Variants in ACVR1B observed in about 807,000 individuals in gnomAD.
ACVR1B encodes activin receptor type-1B.
Under a neutral mutation model 55.6 loss-of-function variants are expected in ACVR1B, and 15 were observed. That is an observed-to-expected ratio of 0.27 (90% CI 0.18 to 0.42). ACVR1B has a LOEUF of 0.42. Ranked by LOEUF, ACVR1B falls within the 10% of genes least tolerant of loss-of-function variation. The pLI is 1.00. For synonymous variants in ACVR1B, 247 were observed against 254.6 expected, an observed-to-expected ratio of 0.97 and a Z score of 0.28; for missense variants, 359 against 670.1, an observed-to-expected ratio of 0.54 and a Z score of 5.13.
intron 1 of ACVR1B, 50 bp downstream of exon 1, chr12:51,951,884 G>A: frequency 1.7e-6 from 2 of 1,150,174 alleles, no homozygotes; most frequent in Non-Finnish European, 2.2e-6. Flanking sequence ...GGCCCGGCAA[G>A]GGCGAGGCCT....
At position 51,981,098 on chromosome 12, in the gene ACVR1B, C is replaced by G; in HGVS notation, c.710C>G (p.Ser237Cys). 6.2e-7 allele frequency: 1 copy of G among 1,614,136 alleles called. No homozygotes were observed. ...RGGDVAVKIFSSREERSWFRE... is the reference protein window; with the variant it reads ...RGGDVAVKIFCSREERSWFRE... ...GGTGATGTGGCTGTGAAAATATTCT[C>G]TTCTCGTGAAGAACGGTCTTGGTTC... is the stretch of plus-strand genomic sequence containing the variant. The change falls in exon 4 of 9, where the codon TCT (serine) becomes TGT (cysteine). Residue 237 changes from serine to cysteine, a missense_variant. Physicochemically the swap from Ser to Cys is moderately radical, Grantham distance 112. Coordinates refer to ENST00000257963, the MANE Select transcript of ACVR1B (RefSeq NM_004302.5).
intron 1 of ACVR1B, 40 bp downstream of exon 1, chr12:51,951,874 G>A: frequency 8.4e-7 from 1 of 1,194,700 alleles, no homozygotes; most frequent in East Asian, 3.2e-5. Context: ...GGATGGAGAG[G>A]GCCCGGCAAG....
In ACVR1B at chr12:51,992,023, A is replaced by G. The variant is rs374460422; in HGVS notation, c.1392+30A>G. ...GAAGCTGGCCTCCTGCGGCTTTCCC[A>G]TCAGCCTGATTTCTCCACCTTAGAA... On this transcript the variant is annotated intron_variant, in intron 8 of 8. Coordinates refer to ENST00000257963, the MANE Select transcript of ACVR1B (RefSeq NM_004302.5). 11 of 1,614,094 alleles carry G rather than the reference A, an allele frequency of 6.8e-6. No individual in the cohort carries two copies. The African/African-American group carries it at 8.0e-5, about 12-fold the overall frequency.
intron 2 of ACVR1B, 146 bp from the exon 3 acceptor site, chr12:51,976,181 G>T (rs897787761): frequency 3.1e-6 from 3 of 965,588 alleles, no homozygotes; most frequent in African/African-American, 3.3e-5. Flanking sequence ...AGCAAGACTA[G>T]CCCAGAAGAT....
rs906303606 is a variant in ACVR1B at position 51,994,012 on chromosome 12, C to T, written c.1420C>T (p.Arg474Ter). Residue 474 changes from arginine to a stop codon, truncating the protein, a stop_gained, in exon 9 of 9, where the codon CGA becomes TGA. Transcript: ENST00000257963. LOFTEE classifies it high-confidence loss of function. This position sits in a 1 kb window ranked among gnomAD's most constrained non-coding sequence, Gnocchi z 4.2. ...EALRVMGKMMRECWYANGAAR... is the reference protein window; with the variant it reads ...EALRVMGKMM ...ACTGCGGGTGATGGGGAAGATGATG[C>T]GAGAGTGTTGGTATGCCAACGGCGC... The T allele has an allele frequency of 1.2e-6, 2 of 1,613,934 alleles. No individual in the cohort carries two copies. The highest frequency in any genetic ancestry group is 1.3e-5 in the African/African-American group (1 of 74,938).
chr12:51,995,653 A>G lies in ACVR1B; in HGVS notation c.*1543A>G. The stretch of plus-strand genomic sequence containing the variant: ...TTGTAAAAGGAAAACCATCTCTGTG[A>G]TTACCTCTCAATCTATTTGTTTTTA... On this transcript the variant is annotated 3_prime_UTR_variant, in exon 9 of 9. Transcript: ENST00000257963. The G allele has an allele frequency of 6.6e-6, 1 of 151,596 alleles. No homozygotes were observed. The highest frequency in any genetic ancestry group is 1.9e-4 in the East Asian group (1 of 5,162). 9.4% of individuals were successfully genotyped at this position (151,596 alleles called of 1,614,324 possible).
intron 1 of ACVR1B, among the ~76,000 whole-genome samples, chr12:51,956,145 A>G (rs926556893): frequency 6.6e-6 from 1 of 152,172 alleles, no homozygotes; most frequent in Non-Finnish European, 1.5e-5. Flanking sequence ...GGCAATCTTT[A>G]TCTGCTCTCT....
Position 51,994,159 on chromosome 12 carries a change from G to A in ACVR1B, c.*49G>A, listed in dbSNP as rs374207385. 9 of 1,603,514 alleles carry A rather than the reference G, an allele frequency of 5.6e-6. No homozygotes were observed. Among genetic ancestry groups the A allele is most frequent in the Middle Eastern group, 1.8e-4 (1 of 5,578 alleles). On this transcript the variant is annotated 3_prime_UTR_variant, in exon 9 of 9. Coordinates refer to ENST00000257963, the MANE Select transcript of ACVR1B (RefSeq NM_004302.5). The surrounding 1 kb of genome is among the most constrained non-coding windows in gnomAD (Gnocchi z 4.2). ...CTCCTGGCAGCGAGAACTACGCACA[G>A]CTGCCGCGTTGAGCGTACGATGGAG...
At chr12:51,960,874 C>T (rs564121874) in intron 1 of ACVR1B, among the ~76,000 whole-genome samples, 2 of 152,300 alleles carry the variant, frequency 1.3e-5, no homozygotes, top group South Asian at 4.2e-4. Context: ...AACTCTAGAC[C>T]CCTTAGCTTA....
At chr12:51,991,644 C>T (rs935721101) in intron 7 of ACVR1B, among the ~76,000 whole-genome samples, 6 of 152,186 alleles carry the variant, frequency 3.9e-5, no homozygotes, top group South Asian at 2.1e-4. Context: ...TCAGGTGATC[C>T]GCTTGCCTTG....
intron 7 of ACVR1B, among the ~76,000 whole-genome samples, chr12:51,989,197 T>A (rs1050802397): frequency 2.6e-5 from 4 of 151,904 alleles, no homozygotes; most frequent in African/African-American, 7.3e-5. Flanking sequence ...AGAAAAAAAA[T>A]TGTCTCATTA....
chr12:51,989,085 A>G (rs956196524), intron 7 of ACVR1B, among the ~76,000 whole-genome samples: 1 of 152,104 alleles, frequency 6.6e-6, no homozygotes, highest in African/African-American at 2.4e-5. Flanking sequence ...GTGAAGCCCT[A>G]TCTCTATTAA....
rs759452822 is a variant in ACVR1B, at chr12:51,985,238, G to A, written c.1026G>A (p.Leu342=). ...GAGACTTAAAGTCAAAGAACATTCT[G>A]GTGAAGAAAAATGGCATGTGTGCCA... ...AHRDLKSKNI[L]VKKNGMCAIA... is the part of the protein sequence containing the mutation. Residue 342 remains leucine, a synonymous_variant, in exon 6 of 9, where the codon CTG becomes CTA. Coordinates refer to ENST00000257963, the MANE Select transcript of ACVR1B (RefSeq NM_004302.5). The A allele has an allele frequency of 2.5e-6, 4 of 1,613,822 alleles. No individual in the cohort carries two copies. The highest frequency in any genetic ancestry group is 1.1e-5 in the South Asian group (1 of 90,986).
At position 51,976,422 on chromosome 12, in the gene ACVR1B, A is replaced by T. The variant is rs1172462590; in HGVS notation, c.427A>T (p.Ile143Phe). Residue 143 changes from isoleucine to phenylalanine, a missense_variant, in exon 3 of 9, where the codon ATC becomes TTC. Ile to Phe is a conservative substitution (Grantham distance 21). Transcript: ENST00000257963. ...GGTGTTCCTCCTGTTCCTCATCATCATCATTGTTTTCCTTGTCATTAACTA... is the reference window on the plus strand; with the variant it reads ...GGTGTTCCTCCTGTTCCTCATCATCTTCATTGTTTTCCTTGTCATTAACTA... ...GPVFLLFLII[I>F]IVFLVINYHQ... The T allele has an allele frequency of 6.2e-7, 1 of 1,614,020 alleles. No individual in the cohort carries two copies. The highest frequency in any genetic ancestry group is 1.7e-5 in the Admixed American group (1 of 60,010).
intron 5 of ACVR1B, among the ~76,000 whole-genome samples, chr12:51,984,512 A>C (rs1942042490): frequency 6.6e-6 from 1 of 152,246 alleles, no homozygotes; most frequent in Non-Finnish European, 1.5e-5. Context: ...AAACCAGTGT[A>C]CTGGGAACAT....
At chr12:51,967,847 C>T (rs1941671696) in intron 1 of ACVR1B, among the ~76,000 whole-genome samples, 1 of 152,210 alleles carries the variant, frequency 6.6e-6, no homozygotes, top group Admixed American at 6.5e-5. Flanking sequence ...TAAGCTTAGG[C>T]TGTCTGACCT....
intron 1 of ACVR1B, among the ~76,000 whole-genome samples, chr12:51,968,046 C>G (rs1941675007): frequency 6.6e-6 from 1 of 152,154 alleles, no homozygotes. Context: ...ACCAGCCTGG[C>G]CAACATGGCG....
chr12:51,990,668 A>G (rs925918655), intron 7 of ACVR1B, among the ~76,000 whole-genome samples: 1 of 152,142 alleles, frequency 6.6e-6, no homozygotes, highest in African/African-American at 2.4e-5. Flanking sequence ...CCAGTCTCCT[A>G]AATTTTTAAA....
At chr12:51,952,995 A>G (rs912247304) in intron 1 of ACVR1B, among the ~76,000 whole-genome samples, 1 of 152,150 alleles carries the variant, frequency 6.6e-6, no homozygotes, top group African/African-American at 2.4e-5. Context: ...TATTTCATTT[A>G]AGAGAGTCTT....
Sources: gnomAD v4.1 joint callset for allele counts (sites outside exome capture counted in the v4.1 genomes callset) on GRCh38, gnomAD v4.1.1 for gene constraint, Gnocchi (gnomAD v3.1) non-coding constraint, MANE v1.5 for transcripts, NCBI Gene and HGNC (gene_info 2026-07-23, HGNC 2026-07-21) for gene names.